Variants in DAB2IP observed in about 807,000 individuals in gnomAD.
DAB2IP encodes the protein disabled homolog 2-interacting protein.
In DAB2IP, 28 loss-of-function variants were observed where a neutral mutation model predicts 107.2. The ratio of observed to expected loss-of-function variants is 0.26; its 90% confidence interval spans 0.19 to 0.36. DAB2IP has a LOEUF of 0.36. DAB2IP is among the 10% of genes least tolerant of loss of function. The pLI, the probability that DAB2IP is intolerant of heterozygous loss-of-function variation, is 1.00. For missense variants in DAB2IP, 1,400 were observed against 1,644.7 expected, an observed-to-expected ratio of 0.85 and a Z score of 2.57; for synonymous variants, 755 against 706.4, an observed-to-expected ratio of 1.07 and a Z score of -1.09.
intron 3 of DAB2IP, among the ~76,000 whole-genome samples, chr9:121,709,481 G>A (rs559898304): frequency 2.6e-5 from 4 of 152,248 alleles, no homozygotes; most frequent in African/African-American, 7.2e-5. Context: ...TGAAGGATAC[G>A]TGCTATTACT....
chr9:121,686,814 C>T (rs1298720397), intron 2 of DAB2IP, among the ~76,000 whole-genome samples: 2 of 152,200 alleles, frequency 1.3e-5, no homozygotes, highest in African/African-American at 4.8e-5. Flanking sequence ...GGGTGCACCT[C>T]CACCCCACAT....
chr9:121,652,038 C>T, intron 1 of DAB2IP, 139 bp downstream of exon 1: 2 of 775,466 alleles, frequency 2.6e-6, no homozygotes, highest in Non-Finnish European at 3.5e-6. Context: ...CTGAGTCTGC[C>T]GGACCCCCCA....
chr9:121,621,315 T>C (rs1831455962), intron 1 of DAB2IP, among the ~76,000 whole-genome samples: 1 of 152,174 alleles, frequency 6.6e-6, no homozygotes, highest in African/African-American at 2.4e-5. Flanking sequence ...CTCCCTATTT[T>C]CCCTGAGATA....
At chr9:121,632,325 C>T (rs546512054) in intron 1 of DAB2IP, among the ~76,000 whole-genome samples, 1 of 152,290 alleles carries the variant, frequency 6.6e-6, no homozygotes, top group South Asian at 2.1e-4. Flanking sequence ...CTGGACACGC[C>T]ATAGCTCTGG....
chr9:121,609,513 T>C (rs1831014342), intron 1 of DAB2IP, among the ~76,000 whole-genome samples: 1 of 152,220 alleles, frequency 6.6e-6, no homozygotes, highest in South Asian at 2.1e-4. Flanking sequence ...CTGCACTGAT[T>C]GTTCCAGCAA....
rs1435552083 is a variant in DAB2IP at position 121,634,133 on chromosome 9, G to A, written c.41-44545G>A. On this transcript the variant is annotated intron_variant, in intron 1 of 16. Transcript: ENST00000259371. The surrounding 1 kb of genome is among the most constrained non-coding windows in gnomAD (Gnocchi z 4.7). ...ACACAAAGGGACACAGTTCTTGAAG[G>A]GTCCTCCAGAGACCATGCCATGACT... Among the ~76,000 whole-genome samples, 1 of 152,206 alleles carries A rather than the reference G, an allele frequency of 6.6e-6. No homozygotes were observed. Among genetic ancestry groups the A allele is most frequent in the Middle Eastern group, 3.4e-3 (1 of 294 alleles).
intron 1 of DAB2IP, among the ~76,000 whole-genome samples, chr9:121,591,399 G>T (rs540675114): frequency 1.1e-4 from 16 of 152,354 alleles, no homozygotes; most frequent in African/African-American, 3.4e-4. Flanking sequence ...AAGCCAGGAG[G>T]TGGAGGTTGC....
At chr9:121,679,232 T>C (rs1162903132) in intron 2 of DAB2IP, among the ~76,000 whole-genome samples, 1 of 152,224 alleles carries the variant, frequency 6.6e-6, no homozygotes, top group Non-Finnish European at 1.5e-5. Flanking sequence ...TAATGCTATA[T>C]ATTATAACTG....
rs1014219429 is a variant in DAB2IP at position 121,776,550 on chromosome 9, G to A, written c.3314+159G>A. Among the ~76,000 whole-genome samples, 3 of 152,098 alleles carry A rather than the reference G, an allele frequency of 2.0e-5. No individual in the cohort carries two copies. Among genetic ancestry groups the A allele is most frequent in the Admixed American group, 2.0e-4 (3 of 15,274 alleles). On this transcript the variant is annotated intron_variant, in intron 14 of 15. Transcript: ENST00000408936. The surrounding 1 kb of genome is among the most constrained non-coding windows in gnomAD (Gnocchi z 5.4). ...GGGCAGTGGGAGCAGCGTGAGCACA[G>A]GCCTGGAGGCAGGAGGTGGCCTGGA...
intron 1 of DAB2IP, among the ~76,000 whole-genome samples, chr9:121,616,706 C>T (rs74546577): frequency 6.6e-6 from 1 of 152,212 alleles, no homozygotes; most frequent in Non-Finnish European, 1.5e-5. Context: ...GGCTTGATCA[C>T]TCTTCGCCAC....
At chr9:121,631,633 T>C (rs986668315) in intron 1 of DAB2IP, among the ~76,000 whole-genome samples, 111 of 151,788 alleles carry the variant, frequency 7.3e-4, no homozygotes, top group Non-Finnish European at 3.4e-4. Flanking sequence ...CTGGCCCAAA[T>C]GGTGAAACCC....
At chr9:121,657,068 T>G (rs1292250902) in intron 1 of DAB2IP, among the ~76,000 whole-genome samples, 1 of 152,204 alleles carries the variant, frequency 6.6e-6, no homozygotes, top group Non-Finnish European at 1.5e-5. Flanking sequence ...GGTTGCCTCC[T>G]CCACCTGCCT....
Position 121,765,068 on chromosome 9 carries a change from C to G in DAB2IP, c.1460+1189C>G, listed in dbSNP as rs74329968. Among the ~76,000 whole-genome samples the G allele has an allele frequency of 7.7e-4, 118 of 152,300 alleles. 3 individuals carry two copies. In the East Asian group the frequency reaches 0.016, roughly 21 times the overall value. ...CCCCTGGGCTATACAAGGTGCTTGC[C>G]TGGGCCAAATGGGCACCTCAAGATG... On this transcript the variant is annotated intron_variant, in intron 8 of 15. Coordinates refer to ENST00000408936, the Ensembl canonical transcript of DAB2IP.
chr9:121,631,035 TGG>T (rs1325066354), intron 1 of DAB2IP, among the ~76,000 whole-genome samples: 1 of 152,174 alleles, frequency 6.6e-6, no homozygotes, highest in Non-Finnish European at 1.5e-5. Context: ...CCTCACAGGC[TGG>T]GGGCTACCCC....
intron 1 of DAB2IP, among the ~76,000 whole-genome samples, chr9:121,577,384 G>C (rs957224280): frequency 6.6e-6 from 1 of 152,228 alleles, no homozygotes; most frequent in African/African-American, 2.4e-5. Flanking sequence ...TCCAGCCGGT[G>C]ACCTACATTC....
intron 1 of DAB2IP, among the ~76,000 whole-genome samples, chr9:121,589,699 C>T (rs945811615): frequency 2.0e-5 from 3 of 152,138 alleles, no homozygotes; most frequent in Non-Finnish European, 2.9e-5. Flanking sequence ...ATGACATTGA[C>T]TTAGGCACGT....
rs540736203 is a variant in DAB2IP at position 121,701,317 on chromosome 9, G to A, written c.362+1859G>A. 1.3e-5 allele frequency among the ~76,000 whole-genome samples: 2 copies of A among 152,202 alleles called. No homozygotes were observed. Among genetic ancestry groups the A allele is most frequent in the East Asian group, 3.9e-4 (2 of 5,180 alleles). On this transcript the variant is annotated intron_variant, in intron 3 of 15. Transcript: ENST00000408936. The surrounding 1 kb of genome is among the most constrained non-coding windows in gnomAD (Gnocchi z 4.7). ...CCAGAGGTCGGGGCATGGCCAAGAC[G>A]ACCTCGTGCGGGTCCTGCCCCACTT...
rs1829656447 is a variant in DAB2IP, at chr9:121,699,610, G to T, written c.362+152G>T. ...CGCCGGGAACTTATGGGGCCACCTCGGCCGGACTAGGGGGCCCGAGGGGAG... is the reference window on the plus strand; with the variant it reads ...CGCCGGGAACTTATGGGGCCACCTCTGCCGGACTAGGGGGCCCGAGGGGAG... On this transcript the variant is annotated intron_variant, in intron 3 of 15. Transcript: ENST00000408936. The surrounding 1 kb of genome is among the most constrained non-coding windows in gnomAD (Gnocchi z 6.2). The T allele has an allele frequency of 3.2e-6, 2 of 625,616 alleles. No individual in the cohort carries two copies. Among genetic ancestry groups the T allele is most frequent in the Middle Eastern group, 6.0e-4 (1 of 1,662 alleles). The allele number at this position is 625,616 out of a possible 1,614,324, so 38.8% of individuals were successfully genotyped here. A position where few individuals can be genotyped will look rare whatever the true frequency, so the allele number is the denominator to read the frequency against.
chr9:121,658,318 C>T (rs1833052850), intron 1 of DAB2IP, among the ~76,000 whole-genome samples: 1 of 152,214 alleles, frequency 6.6e-6, no homozygotes, highest in South Asian at 2.1e-4. Flanking sequence ...ACATTCAGAG[C>T]TTGCTGGGAG....
Sources: allele counts gnomAD v4.1 joint callset (sites outside exome capture counted in the v4.1 genomes callset), GRCh38; gene constraint gnomAD v4.1.1; non-coding constraint Gnocchi (gnomAD v3.1); transcripts MANE v1.5; gene names NCBI Gene and HGNC (gene_info 2026-07-23, HGNC 2026-07-21).